ANKLE2: variants seen among roughly 807,000 people sequenced by gnomAD.
ANKLE2 encodes the protein ankyrin repeat and LEM domain containing 2.
Under a neutral mutation model 84.2 loss-of-function variants are expected in ANKLE2, and 55 were observed. That is an observed-to-expected ratio of 0.65 (90% CI 0.53 to 0.82). The LOEUF is 0.82. ANKLE2 is among the 40% of genes least tolerant of loss of function. The pLI is 0.00. For synonymous variants in ANKLE2, 551 were observed against 486.1 expected (o/e 1.13, Z -1.76); for missense variants, 1,238 against 1,201.9 (o/e 1.03, Z -0.44).
Position 132,730,260 on chromosome 12 carries a change from G to T in ANKLE2, c.1902C>A (p.Ser634=). ...CATCTAGAAACGCCCTCACGGAAATGGAATTGCTGCCTGTGAGGACAACAA... is the reference window on the plus strand; with the variant it reads ...CATCTAGAAACGCCCTCACGGAAATTGAATTGCTGCCTGTGAGGACAACAA... The part of the protein sequence containing the change: ...RDKATTSGSN[S]ISVRAFLDED... The change falls in exon 11 of 13, where the codon TCC becomes TCA. Residue 634 remains serine, a synonymous_variant. Coordinates refer to ENST00000357997, the MANE Select transcript of ANKLE2 (RefSeq NM_015114.3). The T allele has an allele frequency of 6.4e-7, 1 of 1,559,814 alleles. No homozygotes were observed. Among genetic ancestry groups the T allele is most frequent in the Non-Finnish European group, 8.7e-7 (1 of 1,151,368 alleles).
rs1286008451 is a variant in ANKLE2 at position 132,748,150 on chromosome 12, G to A, written c.1029C>T (p.Pro343=). 1.9e-6 allele frequency: 3 copies of A among 1,613,602 alleles called. No homozygotes were observed. The highest frequency in any genetic ancestry group is 2.5e-6 in the Non-Finnish European group (3 of 1,179,828). The change falls in exon 4 of 13, where the codon CCC becomes CCT. Residue 343 remains proline (P), a synonymous_variant. Coordinates refer to ENST00000357997, the MANE Select transcript of ANKLE2 (RefSeq NM_015114.3). ...CGCCGAGACCTACCTGCACGATAGT[G>A]GGGTTGTCTCCTGAGCCTATCAGAT... ...PRYLIGSGDN[P]TIVQEGCRYN...
At chr12:132,761,392 C>T in intron 1 of ANKLE2, 1 of 348,768 alleles carries the variant, frequency 2.9e-6, no homozygotes, top group Non-Finnish European at 5.0e-6. Context: ...AAAGCTCTCA[C>T]CCCCGAACCC....
At chr12:132,757,822 C>CAA (rs59631920) in intron 1 of ANKLE2, 6 of 141,622 alleles carry the variant, frequency 4.2e-5, no homozygotes, top group African/African-American at 7.8e-5. Context: ...GACTCCGTCT[C>CAA]AAAAAAAAAA....
At chr12:132,745,655 C>A in intron 5 of ANKLE2, 1 of 165,742 alleles carries the variant, frequency 6.0e-6, no homozygotes, top group Non-Finnish European at 1.3e-5. Context: ...AAGTTGGGCC[C>A]ATGAAGTCTA....
intron 6 of ANKLE2, chr12:132,741,753 A>G: frequency 5.1e-6 from 3 of 590,124 alleles, no homozygotes; most frequent in Non-Finnish European, 9.5e-6. Flanking sequence ...CTGCAAGGAG[A>G]GGAAAAGGTA....
intron 5 of ANKLE2, among the ~76,000 whole-genome samples, chr12:132,744,146 T>C (rs1057513623): frequency 6.6e-6 from 1 of 152,164 alleles, no homozygotes; most frequent in Non-Finnish European, 1.5e-5. Flanking sequence ...CCTTATGCTC[T>C]GGGCAGTCTC....
rs200716427 is a variant in ANKLE2 at position 132,755,084 on chromosome 12, T to C, written c.231A>G (p.Pro77=). 23 of 1,612,894 alleles carry C rather than the reference T, an allele frequency of 1.4e-5. No individual in the cohort carries two copies. Among genetic ancestry groups the C allele is most frequent in the African/African-American group, 1.3e-5 (1 of 74,906 alleles). The change falls in exon 2 of 13, where the codon CCA becomes CCG. Residue 77 remains proline, a synonymous_variant. Coordinates refer to ENST00000357997, the MANE Select transcript of ANKLE2 (RefSeq NM_015114.3). ...TGACGATTTCTTCTCTAAGGTCATC[T>C]GGATTCAGAAGTTTCAATCGAGCCA... ...ALLARLKLLN[P]DDLREEIVKA... is the part of the protein sequence containing the mutation.
chr12:132,727,536 A>G (rs2043725374), intron 12 of ANKLE2, 93 bp from the exon 13 acceptor site: 2 of 1,456,030 alleles, frequency 1.4e-6, no homozygotes, highest in South Asian at 2.5e-5. Flanking sequence ...ACTCAGGCAC[A>G]TGCGCCCGGG....
intron 10 of ANKLE2, among the ~76,000 whole-genome samples, chr12:132,733,106 C>A (rs1415773728): frequency 1.6e-5 from 2 of 124,100 alleles, no homozygotes; most frequent in Non-Finnish European, 3.3e-5. Context: ...CTCTCTGCGT[C>A]CTGGTGTCTG....
chr12:132,759,805 A>T (rs1320484945), intron 1 of ANKLE2: 4 of 152,064 alleles, frequency 2.6e-5, no homozygotes. Flanking sequence ...CCCCATTCCT[A>T]AAAGAGCAGG....
In ANKLE2 at chr12:132,729,812, C is replaced by T. The variant is rs376530487; in HGVS notation, c.2350G>A (p.Gly784Arg). ...LLEPSPADQL[G>R]NGHRRTESEM... ...CTTTCTGTCCTCCTGTGGCCATTCC[C>T]GAGTTGGTCTGCGGGAGAAGGCTCT... The change falls in exon 11 of 13, where the codon GGG becomes AGG. Residue 784 changes from glycine (G) to arginine (R), a missense_variant. Gly to Arg is a moderately radical substitution (Grantham distance 125). Around this residue, in one of 3 missense-constraint regions of ANKLE2, gnomAD observed 802 missense variants for 774.5 expected, o/e 1.04. Transcript: ENST00000357997. The T allele has an allele frequency of 1.2e-5, 19 of 1,613,206 alleles. No homozygotes were observed. Among genetic ancestry groups the T allele is most frequent in the African/African-American group, 6.7e-5 (5 of 74,698 alleles).
At chr12:132,733,278 G>A (rs2043929392) in intron 10 of ANKLE2, among the ~76,000 whole-genome samples, 1 of 142,178 alleles carries the variant, frequency 7.0e-6, no homozygotes, top group Admixed American at 7.0e-5. Context: ...GATATGCACC[G>A]TGTGAAGCTC....
At chr12:132,753,427 T>C (rs924758255) in intron 2 of ANKLE2, among the ~76,000 whole-genome samples, 2 of 151,688 alleles carry the variant, frequency 1.3e-5, no homozygotes, top group Admixed American at 1.3e-4. Flanking sequence ...TGAGGGCAGT[T>C]CGAGAGAAGC....
Position 132,734,482 on chromosome 12 carries a change from T to A in ANKLE2, c.1794A>T (p.Arg598Ser), listed in dbSNP as rs1361959721. The A allele has an allele frequency of 1.9e-6, 3 of 1,614,030 alleles. No homozygotes were observed. In the African/African-American group the frequency reaches 4.0e-5, roughly 22 times the overall value. Residue 598 changes from arginine (R) to serine (S), a missense_variant, in exon 10 of 13, where the codon AGA becomes AGT. Around this residue, in one of 3 missense-constraint regions of ANKLE2, gnomAD observed 802 missense variants for 774.5 expected, o/e 1.04. Transcript: ENST00000357997. The stretch of plus-strand genomic sequence containing the variant: ...CCTGCTGTGTGAGATATTCTTCTAG[T>A]CTTTGCAGGCCTTCCTGGGAAGACA... ...VDLSSQEGLQ[R>S]LEEYLTQQEI...
intron 2 of ANKLE2, 122 bp from the exon 3 acceptor site, chr12:132,750,971 G>C (rs2044342665): frequency 2.4e-6 from 2 of 837,812 alleles, no homozygotes; most frequent in Middle Eastern, 3.6e-4. Flanking sequence ...GCTTAGTTCA[G>C]ATCTTTAATC....
chr12:132,748,293 C>G lies in ANKLE2; in HGVS notation c.886G>C (p.Glu296Gln). The change falls in exon 4 of 13, where the codon GAG (glutamate) becomes CAG (glutamine). Residue 296 changes from glutamate (E) to glutamine (Q), a missense_variant. This residue lies in a region of ANKLE2 where 422 missense variants were observed against 394.5 expected (regional missense o/e 1.07). Transcript: ENST00000357997. ...CLSESETVNK[E>Q]RANSYKNPRT... is the part of the protein sequence containing the mutation. ...GGATTTTTGTAACTGTTCGCTCGCT[C>G]TTTGTTGACTGTTTCTGATTCCGAC... The G allele has an allele frequency of 6.2e-7, 1 of 1,614,220 alleles. No homozygotes were observed. Among genetic ancestry groups the G allele is most frequent in the East Asian group, 2.2e-5 (1 of 44,884 alleles).
intron 1 of ANKLE2, chr12:132,759,882 C>T (rs1366245706): frequency 2.0e-5 from 3 of 152,076 alleles, no homozygotes; most frequent in African/African-American, 7.2e-5. Flanking sequence ...ACCTGTAATC[C>T]CAGCATTTTG....
rs552408585 is a variant in ANKLE2, at chr12:132,743,925, C to T, written c.1231-649G>A. Among the ~76,000 whole-genome samples the T allele has an allele frequency of 3.4e-4, 52 of 152,282 alleles. No homozygotes were observed. Among genetic ancestry groups the T allele is most frequent in the African/African-American group, 1.3e-3 (52 of 41,562 alleles). On this transcript the variant is annotated intron_variant, in intron 5 of 12. Coordinates refer to ENST00000357997, the MANE Select transcript of ANKLE2 (RefSeq NM_015114.3). The surrounding 1 kb of genome is among the most constrained non-coding windows in gnomAD (Gnocchi z 4.1). ...GGACCACAACCAGAATAAAGCAAAG[C>T]GCACGAATTTGGTCTGTACTCAAAG... is the stretch of plus-strand genomic sequence containing the variant.
chr12:132,727,460 A>G lies in ANKLE2; in HGVS notation c.2616-17T>C, dbSNP rs961856751. 1 of 1,551,184 alleles carries G rather than the reference A, an allele frequency of 6.4e-7. No homozygotes were observed. The highest frequency in any genetic ancestry group is 8.7e-7 in the Non-Finnish European group (1 of 1,147,342). On this transcript the variant is annotated splice_polypyrimidine_tract_variant and intron_variant, in intron 12 of 12. Transcript: ENST00000357997. ...CTGGGCCAACTGCGGAAAGCAAGAA[A>G]GAACTGTTAGCAGACGGGCACAGGC...
Sources: gnomAD v4.1 joint callset for allele counts (sites outside exome capture counted in the v4.1 genomes callset) on GRCh38, gnomAD v4.1.1 for gene constraint, gnomAD v4.1.1 regional missense constraint, Gnocchi (gnomAD v3.1) non-coding constraint, MANE v1.5 for transcripts, NCBI Gene and HGNC (gene_info 2026-07-23, HGNC 2026-07-21) for gene names.